SLC44A3: variants seen among roughly 807,000 people sequenced by gnomAD.
SLC44A3 encodes choline transporter-like protein 3.
Under a neutral mutation model 75.4 loss-of-function variants are expected in SLC44A3, and 74 were observed. That is an observed-to-expected ratio of 0.98 (90% CI 0.81 to 1.19). The LOEUF (loss-of-function observed/expected upper bound fraction) is 1.19. Among genes scored for constraint, SLC44A3 ranks in the 50% most tolerant of loss-of-function variants. The pLI, the probability that SLC44A3 is intolerant of heterozygous loss-of-function variation, is 0.00. For missense variants in SLC44A3, 700 were observed against 778.6 expected (o/e 0.90, Z 1.20); for synonymous variants, 310 against 296.9 (o/e 1.04, Z -0.45).
At chr1:94,820,639 G>T (rs1557788874) in intron 1 of SLC44A3, 161 bp downstream of exon 1, 10 of 1,384,114 alleles carry the variant, frequency 7.2e-6, no homozygotes, top group African/African-American at 1.5e-5. Flanking sequence ...GAGGAACCTG[G>T]ACCCTGCTCC....
At chr1:94,852,289 A>G (rs947131) in intron 9 of SLC44A3, among the ~76,000 whole-genome samples, 9,243 of 152,228 alleles carry the variant, frequency 0.061, 395 homozygotes, top group Non-Finnish European at 0.09. Context: ...CAAATAGGAA[A>G]TGCATGAGGG....
intron 12 of SLC44A3, among the ~76,000 whole-genome samples, chr1:94,883,114 G>T (rs11588748): frequency 2.0e-5 from 3 of 151,306 alleles, no homozygotes; most frequent in South Asian, 2.1e-4. Flanking sequence ...TGGAGGAACC[G>T]CAAGGGCCTT....
At chr1:94,865,803 A>G (rs859097) in intron 11 of SLC44A3, among the ~76,000 whole-genome samples, 60,278 of 152,062 alleles carry the variant, frequency 0.4, 12,979 homozygotes, top group East Asian at 0.66. Flanking sequence ...AGGACATTTT[A>G]CCAATAGGTT....
chr1:94,882,178 C>T (rs184754693), intron 12 of SLC44A3, among the ~76,000 whole-genome samples: 1 of 152,218 alleles, frequency 6.6e-6, no homozygotes, highest in Non-Finnish European at 1.5e-5. Flanking sequence ...AGGTATTATC[C>T]CCATTGTACA....
chr1:94,829,311 G>A (rs914451281), intron 5 of SLC44A3, among the ~76,000 whole-genome samples: 8 of 151,560 alleles, frequency 5.3e-5, no homozygotes, highest in African/African-American at 1.9e-4. Context: ...TTTACTTTTG[G>A]CTTTTTATCA....
chr1:94,873,755 T>C (rs1668005888), intron 12 of SLC44A3, among the ~76,000 whole-genome samples: 1 of 152,192 alleles, frequency 6.6e-6, no homozygotes, highest in Non-Finnish European at 1.5e-5. Context: ...AGTTGGCAGA[T>C]CTCCAGTGAC....
chr1:94,820,420 C>T lies in SLC44A3; in HGVS notation c.-32C>T, dbSNP rs1571120393. The stretch of plus-strand genomic sequence containing the variant: ...CCGCGTACAGGAGGCGGCGGCGGCT[C>T]CCAGTCACCGGCCCCCGCCGGCGAG... On this transcript the variant is annotated 5_prime_UTR_variant, in exon 1 of 15. Coordinates refer to ENST00000271227, the MANE Select transcript of SLC44A3 (RefSeq NM_001114106.3). 1 of 1,450,752 alleles carries T rather than the reference C, an allele frequency of 6.9e-7. No individual in the cohort carries two copies. Among genetic ancestry groups the T allele is most frequent in the Non-Finnish European group, 9.0e-7 (1 of 1,105,146 alleles). The allele number at this position is 1,450,752 out of a possible 1,614,324, so 89.9% of individuals were successfully genotyped here.
intron 2 of SLC44A3, among the ~76,000 whole-genome samples, chr1:94,823,357 C>T (rs902307796): frequency 1.3e-5 from 2 of 152,184 alleles, no homozygotes; most frequent in African/African-American, 2.4e-5. Context: ...GAGTGACACA[C>T]ACTACTAGCA....
At chr1:94,845,165 C>T (rs1664241434) in intron 8 of SLC44A3, 113 bp from the exon 9 acceptor site, 1 of 1,114,382 alleles carries the variant, frequency 9.0e-7, no homozygotes, top group Non-Finnish European at 1.3e-6. Context: ...TAGTGAGTAA[C>T]TATCTTAAAA....
chr1:94,864,636 A>G, intron 10 of SLC44A3, 107 bp from the exon 11 acceptor site: 4 of 1,173,200 alleles, frequency 3.4e-6, no homozygotes, highest in Non-Finnish European at 2.3e-6. Context: ...AATGCTTATT[A>G]TGTCACAACT....
chr1:94,869,357 A>C (rs1405693760), intron 12 of SLC44A3, among the ~76,000 whole-genome samples: 1 of 152,238 alleles, frequency 6.6e-6, no homozygotes, highest in Non-Finnish European at 1.5e-5. Context: ...TTCACAAAAA[A>C]ACTAAGCCAG....
chr1:94,874,084 A>G (rs1269330525), intron 12 of SLC44A3, among the ~76,000 whole-genome samples: 3 of 152,332 alleles, frequency 2.0e-5, no homozygotes, highest in East Asian at 3.9e-4. Flanking sequence ...ATGTGTGTCA[A>G]TATGATAGTT....
intron 12 of SLC44A3, among the ~76,000 whole-genome samples, chr1:94,890,293 TG>T (rs1388872973): frequency 3.9e-5 from 6 of 152,216 alleles, no homozygotes; most frequent in Admixed American, 3.9e-4. Flanking sequence ...TTTTCCAGGT[TG>T]TTCTCAGGGT....
chr1:94,843,739 T>C (rs1447790708), intron 8 of SLC44A3: 1 of 152,122 alleles, frequency 6.6e-6, no homozygotes, highest in Non-Finnish European at 1.5e-5. Context: ...TGATCTGCAA[T>C]GATGATAGGT....
At chr1:94,888,042 G>T (rs1219494451) in intron 12 of SLC44A3, among the ~76,000 whole-genome samples, 1 of 152,136 alleles carries the variant, frequency 6.6e-6, no homozygotes, top group African/African-American at 2.4e-5. Flanking sequence ...CAGGGAGTAG[G>T]TTCTTTAATC....
At chr1:94,822,433 C>G (rs1367567911) in intron 2 of SLC44A3, among the ~76,000 whole-genome samples, 1 of 152,206 alleles carries the variant, frequency 6.6e-6, no homozygotes, top group Non-Finnish European at 1.5e-5. Flanking sequence ...CTTTTAGTGT[C>G]TTTTGCAACA....
chr1:94,846,647 G>A (rs775829703), intron 9 of SLC44A3, among the ~76,000 whole-genome samples: 2 of 152,242 alleles, frequency 1.3e-5, no homozygotes, highest in East Asian at 3.8e-4. Flanking sequence ...CACACTTTGA[G>A]TGGCACTGTC....
intron 5 of SLC44A3, among the ~76,000 whole-genome samples, chr1:94,831,205 T>A (rs111278553): frequency 6.6e-6 from 1 of 152,188 alleles, no homozygotes; most frequent in African/African-American, 2.4e-5. Context: ...TAAATGCAAA[T>A]GTTTCCAATA....
chr1:94,835,988 A>G (rs1662733198), intron 5 of SLC44A3, among the ~76,000 whole-genome samples: 1 of 152,194 alleles, frequency 6.6e-6, no homozygotes, highest in Non-Finnish European at 1.5e-5. Flanking sequence ...CTTCTCTTGA[A>G]CCACTATCCA....
Sources: gnomAD v4.1 joint callset for allele counts (sites outside exome capture counted in the v4.1 genomes callset) on GRCh38, gnomAD v4.1.1 for gene constraint, MANE v1.5 for transcripts, NCBI Gene and HGNC (gene_info 2026-07-23, HGNC 2026-07-21) for gene names.